Variants in GCNT4 observed in about 807,000 individuals in gnomAD.
The protein encoded by GCNT4 is beta-1,3-galactosyl-O-glycosyl-glycoprotein beta-1,6-N-acetylglucosaminyltransferase 4.
In GCNT4, 17 loss-of-function variants were observed where a neutral mutation model predicts 31.3. The observed-to-expected ratio is 0.54, with a 90% confidence interval of 0.37 to 0.81. The LOEUF (loss-of-function observed/expected upper bound fraction) is 0.81, where lower values mean the gene tolerates loss of function less well. Ranked by LOEUF, GCNT4 falls within the 40% of genes least tolerant of loss-of-function variation. The probability of loss-of-function intolerance (pLI) is 0.00; values close to 1 mark genes in which losing one functional copy is unlikely to be tolerated. For missense variants in GCNT4, 503 were observed against 525.5 expected (o/e 0.96, Z 0.42); for synonymous variants, 158 against 190.6 (o/e 0.83, Z 1.41).
At chr5:75,046,248 G>A (rs1743435301) in intron 3 of GCNT4, among the ~76,000 whole-genome samples, 1 of 152,196 alleles carries the variant, frequency 6.6e-6, no homozygotes, top group South Asian at 2.1e-4. Flanking sequence ...AAAGGCTAAA[G>A]GAAGAAGGAA....
upstream of GCNT4, among the ~76,000 whole-genome samples, chr5:75,053,950 T>C (rs1431617447): frequency 6.6e-6 from 1 of 152,048 alleles, no homozygotes; most frequent in Non-Finnish European, 1.5e-5. Context: ...CAAACTCACA[T>C]CCGCGGCTCC....
rs759378317 is a variant in GCNT4, at chr5:75,029,830, C to T, written c.208G>A (p.Glu70Lys). 1 of 1,614,020 alleles carries T rather than the reference C, an allele frequency of 6.2e-7. No individual in the cohort carries two copies. Among genetic ancestry groups the T allele is most frequent in the African/African-American group, 1.3e-5 (1 of 74,934 alleles). The change falls in exon 4 of 4, where the codon GAA (glutamate) becomes AAA (lysine). Residue 70 changes from glutamate (E) to lysine (K), a missense_variant. By Grantham distance (56) the Glu-to-Lys change is moderately conservative. Transcript: ENST00000652361. ...YTHVKDEVRYEVNCSGIYEQE... is the reference protein window; with the variant it reads ...YTHVKDEVRYKVNCSGIYEQE... ...TCATAGATACCCGAACAGTTAACTTCATACCTGACTTCATCCTTAACATGA... is the reference window on the plus strand; with the variant it reads ...TCATAGATACCCGAACAGTTAACTTTATACCTGACTTCATCCTTAACATGA...
rs1197731711 is a variant in GCNT4, at chr5:75,027,270, TTA to T, written c.*1404_*1405del. ...CCATTATATATATAATATATATTCATTATATGTTATATAATATATATTTATAT... is the reference window on the plus strand; with the variant it reads ...CCATTATATATATAATATATATTCATTATGTTATATAATATATATTTATAT... On this transcript the variant is annotated 3_prime_UTR_variant, in exon 4 of 4. Coordinates refer to ENST00000652361, the MANE Select transcript of GCNT4 (RefSeq NM_001366737.1). The T allele has an allele frequency of 4.9e-4, 69 of 139,500 alleles. No individual in the cohort carries two copies. The highest frequency in any genetic ancestry group is 1.6e-3 in the African/African-American group (61 of 38,262). The allele number at this position is 139,500 out of a possible 1,614,324, so 8.6% of individuals were successfully genotyped here. A position where few individuals can be genotyped will look rare whatever the true frequency, so the allele number is the denominator to read the frequency against.
At chr5:75,030,731 G>A (rs1743043146) in intron 3 of GCNT4, 2 of 167,002 alleles carry the variant, frequency 1.2e-5, no homozygotes, top group Non-Finnish European at 2.9e-5. Context: ...GTAGTAGGTG[G>A]GGTGTAAAAA....
intron 3 of GCNT4, among the ~76,000 whole-genome samples, chr5:75,036,104 C>A (rs779510345): frequency 3.3e-5 from 5 of 151,820 alleles, no homozygotes; most frequent in Non-Finnish European, 7.4e-5. Context: ...GCCCTCCATA[C>A]ATGTAGGATT....
rs764243523 is a variant in GCNT4, at chr5:75,029,455, C to T, written c.583G>A (p.Val195Met). 1 of 1,614,124 alleles carries T rather than the reference C, an allele frequency of 6.2e-7. No homozygotes were observed. The highest frequency in any genetic ancestry group is 8.5e-7 in the Non-Finnish European group (1 of 1,180,030). ...NIFIASKLEA[V>M]EYAHISRLQA... ...AGTCTGGAAATGTGGGCATATTCCA[C>T]AGCCTCTAATTTGGAAGCAATGAAA... The change falls in exon 4 of 4, where the codon GTG (valine) becomes ATG (methionine). Residue 195 changes from valine to methionine, a missense_variant. Physicochemically the swap from Val to Met is conservative, Grantham distance 21. Transcript: ENST00000652361.
At chr5:75,048,445 G>A (rs1027019887) in intron 2 of GCNT4, among the ~76,000 whole-genome samples, 1 of 152,170 alleles carries the variant, frequency 6.6e-6, no homozygotes, top group Admixed American at 6.5e-5. Context: ...AACGTGGTTT[G>A]ACAAGAGCAT....
chr5:75,036,629 C>T (rs1365658452), intron 3 of GCNT4, among the ~76,000 whole-genome samples: 1 of 150,712 alleles, frequency 6.6e-6, no homozygotes, highest in Non-Finnish European at 1.5e-5. Context: ...AGGAGATCTT[C>T]CACCCTGTTT....
intron 2 of GCNT4, among the ~76,000 whole-genome samples, chr5:75,051,452 G>A (rs1404928106): frequency 6.6e-6 from 1 of 152,050 alleles, no homozygotes; most frequent in Non-Finnish European, 1.5e-5. Context: ...GAAATCCCCT[G>A]AAGCTGACTC....
At chr5:75,038,560 C>G (rs1040774846) in intron 3 of GCNT4, among the ~76,000 whole-genome samples, 3 of 152,188 alleles carry the variant, frequency 2.0e-5, no homozygotes, top group African/African-American at 7.2e-5. Flanking sequence ...AGTCCAAGAT[C>G]AAGGCACAGA....
chr5:75,046,467 C>T (rs767920776), intron 3 of GCNT4, among the ~76,000 whole-genome samples: 1 of 152,162 alleles, frequency 6.6e-6, no homozygotes, highest in Non-Finnish European at 1.5e-5. Context: ...AACTGTCCCC[C>T]CTCTGCTTCA....
At chr5:75,048,555 A>G (rs1743497077) in intron 2 of GCNT4, among the ~76,000 whole-genome samples, 1 of 152,224 alleles carries the variant, frequency 6.6e-6, no homozygotes, top group South Asian at 2.1e-4. Flanking sequence ...GCAAAACAAA[A>G]ACAAAACCAA....
chr5:75,027,682 G>A lies in GCNT4; in HGVS notation c.*994C>T, dbSNP rs1271151118. 6.6e-6 allele frequency: 1 copy of A among 152,324 alleles called. No individual in the cohort carries two copies. Among genetic ancestry groups the A allele is most frequent in the African/African-American group, 2.4e-5 (1 of 41,354 alleles). 9.4% of individuals were successfully genotyped at this position (152,324 alleles called of 1,614,324 possible). On this transcript the variant is annotated 3_prime_UTR_variant, in exon 4 of 4. Coordinates refer to ENST00000652361, the MANE Select transcript of GCNT4 (RefSeq NM_001366737.1). ...ACTATACAAATTAATTTAGAAAGCT[G>A]TCATATTTCACACAACCTTTTGAAG...
chr5:75,041,435 T>A (rs984630621), intron 3 of GCNT4, among the ~76,000 whole-genome samples: 1 of 152,244 alleles, frequency 6.6e-6, no homozygotes, highest in African/African-American at 2.4e-5. Flanking sequence ...CTTCCCTGAA[T>A]AAAGGACTAC....
rs553310826 is a variant in GCNT4, at chr5:75,032,846, T to C, written c.-1-2808A>G. ...TGTAGAATTGGGTGTTGTGGTACAG[T>C]AGAAGACTAATCAATCCCAAATAGG... On this transcript the variant is annotated intron_variant, in intron 3 of 3. Coordinates refer to ENST00000652361, the MANE Select transcript of GCNT4 (RefSeq NM_001366737.1). Among the ~76,000 whole-genome samples the C allele has an allele frequency of 9.7e-4, 144 of 148,330 alleles. No homozygotes were observed. The South Asian group carries it at 0.03, about 31-fold the overall frequency.
chr5:75,045,611 T>C (rs1743420676), intron 3 of GCNT4, among the ~76,000 whole-genome samples: 1 of 152,252 alleles, frequency 6.6e-6, no homozygotes, highest in South Asian at 2.1e-4. Flanking sequence ...AAACACCTGT[T>C]TGAATTCCTG....
At chr5:75,032,039 A>T (rs1454565319) in intron 3 of GCNT4, among the ~76,000 whole-genome samples, 1 of 152,192 alleles carries the variant, frequency 6.6e-6, no homozygotes, top group Non-Finnish European at 1.5e-5. Context: ...AGACCCATTG[A>T]CAAAACTCTC....
At chr5:75,034,450 T>C (rs55684203) in intron 3 of GCNT4, among the ~76,000 whole-genome samples, 1 of 152,206 alleles carries the variant, frequency 6.6e-6, no homozygotes, top group South Asian at 2.1e-4. Context: ...GTTGGCCACA[T>C]GGTTCCTAAG....
intron 3 of GCNT4, among the ~76,000 whole-genome samples, chr5:75,040,819 C>T (rs1743299886): frequency 6.6e-6 from 1 of 152,204 alleles, no homozygotes; most frequent in Non-Finnish European, 1.5e-5. Context: ...TGGTTTTTCA[C>T]TACTTGACAG....
Sources: gnomAD v4.1 joint callset for allele counts (sites outside exome capture counted in the v4.1 genomes callset) on GRCh38, gnomAD v4.1.1 for gene constraint, MANE v1.5 for transcripts, NCBI Gene and HGNC (gene_info 2026-07-23, HGNC 2026-07-21) for gene names.